Variants in APCDD1L observed in about 807,000 individuals in gnomAD.
The protein encoded by APCDD1L is protein APCDD1-like.
Under a neutral mutation model 24.2 loss-of-function variants are expected in APCDD1L, and 21 were observed. The observed-to-expected ratio is 0.87, with a 90% confidence interval of 0.61 to 1.25. The LOEUF (loss-of-function observed/expected upper bound fraction) is 1.25. Ranked by LOEUF, APCDD1L falls within the 50% of genes most tolerant of loss-of-function variation. The pLI is 0.00. For missense variants in APCDD1L, 704 were observed against 711.7 expected, an observed-to-expected ratio of 0.99 and a Z score of 0.12; for synonymous variants, 321 against 323.6, an observed-to-expected ratio of 0.99 and a Z score of 0.09.
rs935578011 is a variant in APCDD1L, at chr20:58,507,000, T to C, written c.49+7659A>G. ...GATGACTTGAGTGCCTGGTATCTGA[T>C]ATGGTTTGGCTGTGTCCCCACTCAA... On this transcript the variant is annotated intron_variant, in intron 1 of 3. Coordinates refer to ENST00000371149, the MANE Select transcript of APCDD1L (RefSeq NM_153360.3). Among the ~76,000 whole-genome samples, 5 of 152,194 alleles carry C rather than the reference T, an allele frequency of 3.3e-5. No homozygotes were observed. In the East Asian group the frequency reaches 5.8e-4, roughly 18 times the overall value.
intron 3 of APCDD1L, among the ~76,000 whole-genome samples, chr20:58,462,189 G>C (rs1174209016): frequency 6.6e-6 from 1 of 152,116 alleles, no homozygotes; most frequent in African/African-American, 2.4e-5. Flanking sequence ...CCTGGAATTT[G>C]ACCGTGAAAG....
Position 58,461,613 on chromosome 20 carries a change from C to A in APCDD1L, c.742-59G>T. On this transcript the variant is annotated intron_variant, in intron 3 of 3. Transcript: ENST00000371149. This position sits in a 1 kb window ranked among gnomAD's most constrained non-coding sequence, Gnocchi z 6.0. ...CCCACATAGAGAAGTTGGGGTGCAG[C>A]CTGGAAAGGAACCCCAGCTCTGTAG... is the stretch of plus-strand genomic sequence containing the variant. The A allele has an allele frequency of 7.2e-7, 1 of 1,381,028 alleles. No individual in the cohort carries two copies. The highest frequency in any genetic ancestry group is 9.4e-7 in the Non-Finnish European group (1 of 1,061,240). The allele number at this position is 1,381,028 out of a possible 1,614,324, so 85.5% of individuals were successfully genotyped here. A position where few individuals can be genotyped will look rare whatever the true frequency, so the allele number is the denominator to read the frequency against.
chr20:58,467,406 C>T lies in APCDD1L; in HGVS notation c.441G>A (p.Gly147=), dbSNP rs933172812. The T allele has an allele frequency of 6.5e-7, 1 of 1,539,726 alleles. No homozygotes were observed. The highest frequency in any genetic ancestry group is 1.2e-5 in the South Asian group (1 of 82,598). ...HSRRALVDVT[G]RLNQTRAGRD... ...GGCCGGCGCGGGTCTGGTTGAGGCG[C>T]CCGGTGACGTCGACCAGGGCCCGGC... Residue 147 remains glycine (G), a synonymous_variant, in exon 3 of 4, where the codon GGG becomes GGA. Coordinates refer to ENST00000371149, the MANE Select transcript of APCDD1L (RefSeq NM_153360.3). This position sits in a 1 kb window ranked among gnomAD's most constrained non-coding sequence, Gnocchi z 5.9.
intron 1 of APCDD1L, among the ~76,000 whole-genome samples, chr20:58,514,233 G>A (rs1990691294): frequency 6.6e-6 from 1 of 152,182 alleles, no homozygotes; most frequent in Non-Finnish European, 1.5e-5. Flanking sequence ...ACCCCGCACA[G>A]GTCAGGATTC....
intron 1 of APCDD1L, among the ~76,000 whole-genome samples, chr20:58,501,665 C>T (rs1990439769): frequency 6.6e-6 from 1 of 152,222 alleles, no homozygotes; most frequent in Admixed American, 6.5e-5. Flanking sequence ...CAAGTCCTGA[C>T]AGTTCCACCT....
Position 58,470,764 on chromosome 20 carries a change from C to G in APCDD1L, c.50-17G>C. 6.5e-7 allele frequency: 1 copy of G among 1,528,506 alleles called. No individual in the cohort carries two copies. Among genetic ancestry groups the G allele is most frequent in the Non-Finnish European group, 8.7e-7 (1 of 1,143,032 alleles). The allele number at this position is 1,528,506 out of a possible 1,614,324, so 94.7% of individuals were successfully genotyped here. On this transcript the variant is annotated splice_polypyrimidine_tract_variant and intron_variant, in intron 1 of 3. Coordinates refer to ENST00000371149, the MANE Select transcript of APCDD1L (RefSeq NM_153360.3). ...CAGTGTGGGCTGCAAAGCAGACAGA[C>G]CTGGGTAAGACCCCAGCATGCCCCG...
At chr20:58,490,987 C>A (rs1990215543) in intron 1 of APCDD1L, among the ~76,000 whole-genome samples, 1 of 152,216 alleles carries the variant, frequency 6.6e-6, no homozygotes, top group African/African-American at 2.4e-5. Context: ...TTAGAAAAAT[C>A]TGTAAATATC....
intron 1 of APCDD1L, among the ~76,000 whole-genome samples, chr20:58,486,302 C>T (rs748173386): frequency 1.7e-4 from 26 of 151,884 alleles, no homozygotes; most frequent in Non-Finnish European, 3.4e-4. Context: ...CTTTGAGAAA[C>T]AAAAATAACG....
At chr20:58,504,853 G>T (rs908718146) in intron 1 of APCDD1L, among the ~76,000 whole-genome samples, 1 of 152,190 alleles carries the variant, frequency 6.6e-6, no homozygotes, top group South Asian at 2.1e-4. Flanking sequence ...TTCTGTAGGT[G>T]ATCCCACTTC....
At chr20:58,501,194 A>G (rs923085849) in intron 1 of APCDD1L, among the ~76,000 whole-genome samples, 9 of 152,166 alleles carry the variant, frequency 5.9e-5, no homozygotes, top group Non-Finnish European at 1.3e-4. Context: ...ACCTTTAAAT[A>G]TATTTCTTTT....
intron 1 of APCDD1L, chr20:58,514,122 C>T: frequency 5.2e-6 from 2 of 384,802 alleles, no homozygotes; most frequent in Admixed American, 8.5e-5. Flanking sequence ...TTCCTGAAGC[C>T]CCTTGGTCCC....
chr20:58,470,619 T>C lies in APCDD1L; in HGVS notation c.178A>G (p.Ile60Val). The C allele has an allele frequency of 6.3e-7, 1 of 1,587,268 alleles. No homozygotes were observed. The highest frequency in any genetic ancestry group is 2.3e-5 in the East Asian group (1 of 44,196). The change falls in exon 2 of 4, where the codon ATC (isoleucine) becomes GTC (valine). Residue 60 changes from isoleucine to valine, a missense_variant. By Grantham distance (29) the Ile-to-Val change is conservative. Coordinates refer to ENST00000371149, the MANE Select transcript of APCDD1L (RefSeq NM_153360.3). Reference protein sequence around the residue: ...ILPPRLNGPWISTGCEVRPGP... With the variant: ...ILPPRLNGPWVSTGCEVRPGP... The stretch of plus-strand genomic sequence containing the variant: ...GACCTGAAGTCTTACCCTGTGGAGA[T>C]CCAAGGTCCATTAAGGCGTGGAGGC...
chr20:58,510,665 A>G (rs1293964677), intron 1 of APCDD1L, among the ~76,000 whole-genome samples: 1 of 152,194 alleles, frequency 6.6e-6, no homozygotes, highest in Admixed American at 6.5e-5. Context: ...ACCCTACTCC[A>G]GCAGTGAGCT....
At chr20:58,465,407 C>T (rs1989688436) in intron 3 of APCDD1L, among the ~76,000 whole-genome samples, 1 of 152,172 alleles carries the variant, frequency 6.6e-6, no homozygotes, top group Admixed American at 6.5e-5. Flanking sequence ...GGGGCAATAA[C>T]AAGTGGGTAC....
intron 1 of APCDD1L, among the ~76,000 whole-genome samples, chr20:58,475,329 CGCGAA>C (rs1445702611): frequency 6.6e-6 from 1 of 152,072 alleles, no homozygotes; most frequent in Non-Finnish European, 1.5e-5. Context: ...TGATTTCAGG[CGCGAA>C]GCGAGCACTT....
At chr20:58,485,849 C>T (rs1990109554) in intron 1 of APCDD1L, among the ~76,000 whole-genome samples, 1 of 152,196 alleles carries the variant, frequency 6.6e-6, no homozygotes, top group African/African-American at 2.4e-5. Context: ...CCAAAGTGAG[C>T]TTAAGGGGGG....
At chr20:58,470,328 G>A (rs964584221) in intron 2 of APCDD1L, among the ~76,000 whole-genome samples, 1 of 152,186 alleles carries the variant, frequency 6.6e-6, no homozygotes, top group East Asian at 1.9e-4. Flanking sequence ...CATGTTGAGC[G>A]CATGTCCCAC....
In APCDD1L at chr20:58,461,767, C is replaced by T; in HGVS notation, c.742-213G>A. The T allele has an allele frequency of 2.3e-6, 1 of 433,734 alleles. No individual in the cohort carries two copies. The highest frequency in any genetic ancestry group is 3.9e-6 in the Non-Finnish European group (1 of 257,126). 26.9% of individuals were successfully genotyped at this position (433,734 alleles called of 1,614,324 possible). A position where few individuals can be genotyped will look rare whatever the true frequency, so the allele number is the denominator to read the frequency against. ...CTTGATGGAGGTCAGCCCCTGTATCCCCCGGGCCTTGGGTCTCCTGCTGTC... is the reference window on the plus strand; with the variant it reads ...CTTGATGGAGGTCAGCCCCTGTATCTCCCGGGCCTTGGGTCTCCTGCTGTC... On this transcript the variant is annotated intron_variant, in intron 3 of 3. Transcript: ENST00000371149. This position sits in a 1 kb window ranked among gnomAD's most constrained non-coding sequence, Gnocchi z 6.0.
intron 3 of APCDD1L, among the ~76,000 whole-genome samples, chr20:58,465,948 TTTTTTTAA>T (rs1989696502): frequency 1.3e-5 from 2 of 152,150 alleles, no homozygotes; most frequent in Non-Finnish European, 2.9e-5. Flanking sequence ...TCTCTTATGC[TTTTTTTAA>T]AAACAGATTT....
Sources: gnomAD v4.1 joint callset for allele counts (sites outside exome capture counted in the v4.1 genomes callset) on GRCh38, gnomAD v4.1.1 for gene constraint, Gnocchi (gnomAD v3.1) non-coding constraint, MANE v1.5 for transcripts, NCBI Gene and HGNC (gene_info 2026-07-23, HGNC 2026-07-21) for gene names.